The following GALNT17 variants were observed in gnomAD, a reference collection of about 807,000 sequenced individuals.
GALNT17 encodes polypeptide N-acetylgalactosaminyltransferase 17, also known as UDP-GalNAc:polypeptide N-acetylgalactosaminyltransferase-like 3.
GALNT17 carries 29 observed loss-of-function variants against 63.7 expected under a neutral mutation model. The ratio of observed to expected loss-of-function variants is 0.46; its 90% confidence interval spans 0.34 to 0.62. GALNT17 has a LOEUF of 0.62. Among genes scored for constraint, GALNT17 ranks in the 20% least tolerant of loss-of-function variants. The pLI is 0.01. For synonymous variants in GALNT17, 305 were observed against 318.3 expected, an observed-to-expected ratio of 0.96 and a Z score of 0.45; for missense variants, 603 against 799.6, an observed-to-expected ratio of 0.75 and a Z score of 2.97.
At chr7:71,509,850 C>T (rs1055350255) in intron 5 of GALNT17, among the ~76,000 whole-genome samples, 35 of 152,156 alleles carry the variant, frequency 2.3e-4, no homozygotes, top group Non-Finnish European at 4.4e-5. Flanking sequence ...TCAACACTGC[C>T]CCAAGAGAGA....
At chr7:71,650,191 G>T (rs986536541) in intron 6 of GALNT17, among the ~76,000 whole-genome samples, 1 of 152,204 alleles carries the variant, frequency 6.6e-6, no homozygotes, top group Non-Finnish European at 1.5e-5. Flanking sequence ...GAATCTGAGT[G>T]CCAGAGAGAG....
chr7:71,614,049 T>C (rs1790163448), intron 6 of GALNT17, among the ~76,000 whole-genome samples: 1 of 152,166 alleles, frequency 6.6e-6, no homozygotes, highest in Admixed American at 6.5e-5. Flanking sequence ...TTACTTTTTA[T>C]TTTAGTCCTC....
intron 5 of GALNT17, among the ~76,000 whole-genome samples, chr7:71,527,877 C>T (rs1584027125): frequency 6.6e-6 from 1 of 152,296 alleles, no homozygotes; most frequent in South Asian, 2.1e-4. Flanking sequence ...CATTTGCACT[C>T]GCTTCACTAC....
At chr7:71,674,431 G>T (rs151168320) in intron 8 of GALNT17, among the ~76,000 whole-genome samples, 4 of 150,952 alleles carry the variant, frequency 2.6e-5, no homozygotes, top group Non-Finnish European at 5.9e-5. Flanking sequence ...CTATAGCCAA[G>T]AACTCCTCTG....
At chr7:71,425,571 C>A (rs1476192866) in intron 5 of GALNT17, among the ~76,000 whole-genome samples, 1 of 152,236 alleles carries the variant, frequency 6.6e-6, no homozygotes, top group African/African-American at 2.4e-5. Flanking sequence ...AAATCTCCTG[C>A]CTTCTAAATG....
Position 71,370,021 on chromosome 7 carries a change from T to C in GALNT17, c.423-18214T>C, listed in dbSNP as rs539702942. 5.3e-5 allele frequency among the ~76,000 whole-genome samples: 8 copies of C among 152,190 alleles called. No homozygotes were observed. In the South Asian group the frequency reaches 1.7e-3, roughly 32 times the overall value. ...GGAAGCAATTGGCCATGTAAGTTAT[T>C]AGATTGCTTTACAAGTGGGTATTAG... On this transcript the variant is annotated intron_variant, in intron 2 of 10. Coordinates refer to ENST00000333538, the MANE Select transcript of GALNT17 (RefSeq NM_022479.3).
At chr7:71,196,257 C>T (rs139257029) in intron 1 of GALNT17, among the ~76,000 whole-genome samples, 1,805 of 152,096 alleles carry the variant, frequency 0.012, 23 homozygotes, top group Middle Eastern at 0.038. Context: ...CCTGCCTCAG[C>T]CTCTCAAGTA....
At chr7:71,319,096 ATCTTTCTTTCTT>A (rs11272198) in intron 1 of GALNT17, among the ~76,000 whole-genome samples, 12 of 131,882 alleles carry the variant, frequency 9.1e-5, no homozygotes, top group South Asian at 2.5e-4. Context: ...ATTTTTGTTT[ATCTTTCTTTCTT>A]TCTTTCTTTC....
intron 5 of GALNT17, among the ~76,000 whole-genome samples, chr7:71,429,976 G>A (rs529639106): frequency 2.6e-5 from 4 of 152,074 alleles, no homozygotes; most frequent in Admixed American, 2.6e-4. Flanking sequence ...CAGAGTGCTG[G>A]GATTACATAC....
intron 3 of GALNT17, among the ~76,000 whole-genome samples, chr7:71,399,512 GTTGTC>G (rs980549671): frequency 6.6e-6 from 1 of 152,142 alleles, no homozygotes; most frequent in African/African-American, 2.4e-5. Context: ...TTTCATGGCT[GTTGTC>G]TTGTCTTGCA....
chr7:71,156,042 C>T (rs1399994812), intron 1 of GALNT17, among the ~76,000 whole-genome samples: 2 of 151,668 alleles, frequency 1.3e-5, no homozygotes, highest in Non-Finnish European at 2.9e-5. Context: ...ACTAAAAATA[C>T]AAAATTAGCC....
intron 6 of GALNT17, among the ~76,000 whole-genome samples, chr7:71,662,854 G>A (rs536202242): frequency 6.6e-6 from 1 of 152,288 alleles, no homozygotes; most frequent in South Asian, 2.1e-4. Flanking sequence ...TAGCTCTTAT[G>A]TTTAGGTCGT....
intron 9 of GALNT17, among the ~76,000 whole-genome samples, chr7:71,706,411 A>G (rs1949877): frequency 6.6e-6 from 1 of 152,148 alleles, no homozygotes; most frequent in Admixed American, 6.5e-5. Context: ...CTCTTTAAAC[A>G]TCTGGGTCAC....
chr7:71,507,287 G>A (rs1437232129), intron 5 of GALNT17, among the ~76,000 whole-genome samples: 1 of 152,152 alleles, frequency 6.6e-6, no homozygotes, highest in Non-Finnish European at 1.5e-5. Context: ...GCACCAAAAA[G>A]TCTACTGTTA....
chr7:71,498,252 G>A (rs1788127175), intron 5 of GALNT17, among the ~76,000 whole-genome samples: 1 of 152,128 alleles, frequency 6.6e-6, no homozygotes. Flanking sequence ...GAGGTGGGCG[G>A]ATCACTTGAG....
At chr7:71,362,559 C>A (rs1020908302) in intron 2 of GALNT17, among the ~76,000 whole-genome samples, 3 of 152,136 alleles carry the variant, frequency 2.0e-5, no homozygotes, top group Non-Finnish European at 4.4e-5. Flanking sequence ...ATTCATTGAT[C>A]CCATTTTGCC....
At chr7:71,530,362 T>C (rs1788696952) in intron 5 of GALNT17, among the ~76,000 whole-genome samples, 1 of 152,064 alleles carries the variant, frequency 6.6e-6, no homozygotes, top group African/African-American at 2.4e-5. Flanking sequence ...ACACACACAT[T>C]TACTTCTCCT....
intron 2 of GALNT17, among the ~76,000 whole-genome samples, chr7:71,336,503 A>T (rs1791910493): frequency 6.6e-6 from 1 of 151,856 alleles, no homozygotes; most frequent in Non-Finnish European, 1.5e-5. Flanking sequence ...CCCTCCCTCC[A>T]CTTTCAAGTA....
chr7:71,450,608 A>G (rs1787244149), intron 5 of GALNT17, among the ~76,000 whole-genome samples: 1 of 152,242 alleles, frequency 6.6e-6, no homozygotes. Context: ...GAGTTCTGCA[A>G]CCATCACTGC....
Sources: allele counts gnomAD v4.1 joint callset (sites outside exome capture counted in the v4.1 genomes callset), GRCh38; gene constraint gnomAD v4.1.1; transcripts MANE v1.5; gene names NCBI Gene and HGNC (gene_info 2026-07-23, HGNC 2026-07-21).